Variants in ZEB1 observed in about 807,000 individuals in gnomAD.
ZEB1 encodes zinc finger E-box binding homeobox 1.
Under a neutral mutation model 84.9 loss-of-function variants are expected in ZEB1, and 21 were observed. That is an observed-to-expected ratio of 0.25 (90% CI 0.18 to 0.36). The LOEUF (loss-of-function observed/expected upper bound fraction) is 0.36, where lower values mean the gene tolerates loss of function less well. Among genes scored for constraint, ZEB1 ranks in the 10% least tolerant of loss-of-function variants. ZEB1 has a pLI of 1.00. For synonymous variants in ZEB1, 420 were observed against 471.1 expected, an observed-to-expected ratio of 0.89 and a Z score of 1.41; for missense variants, 1,104 against 1,330.2, an observed-to-expected ratio of 0.83 and a Z score of 2.65.
chr10:31,405,855 C>T (rs1400155575), intron 1 of ZEB1, among the ~76,000 whole-genome samples: 1 of 152,114 alleles, frequency 6.6e-6, no homozygotes, highest in East Asian at 1.9e-4. Flanking sequence ...GCCTCCCACA[C>T]CTCAACAGGC....
At chr10:31,516,390 T>G (rs2071099907) in intron 6 of ZEB1, among the ~76,000 whole-genome samples, 1 of 151,482 alleles carries the variant, frequency 6.6e-6, no homozygotes, top group Non-Finnish European at 1.5e-5. Context: ...GTAGGAAAAA[T>G]TAAGAAACAC....
In ZEB1 at chr10:31,502,512, A is replaced by G; in HGVS notation, c.484+3A>G. ...AGCCAGTGGTCATGATGAAAATGGT[A>G]AATGGATCTTAACAGTTGTGTTTCT... On this transcript the variant is annotated splice_donor_region_variant and intron_variant, in intron 4 of 8. Transcript: ENST00000424869. 1.2e-6 allele frequency: 2 copies of G among 1,613,806 alleles called. No individual in the cohort carries two copies. The highest frequency in any genetic ancestry group is 1.7e-6 in the Non-Finnish European group (2 of 1,179,710).
intron 2 of ZEB1, among the ~76,000 whole-genome samples, chr10:31,495,181 C>T (rs927862537): frequency 2.6e-5 from 4 of 151,862 alleles, no homozygotes; most frequent in Non-Finnish European, 4.4e-5. Flanking sequence ...TTCTCCAAGC[C>T]TCAAGTTTTT....
At chr10:31,442,746 A>C (rs1316931709) in intron 1 of ZEB1, among the ~76,000 whole-genome samples, 1 of 152,202 alleles carries the variant, frequency 6.6e-6, no homozygotes, top group Non-Finnish European at 1.5e-5. Flanking sequence ...AAACTGATAG[A>C]GTCAAGAGAA....
intron 1 of ZEB1, among the ~76,000 whole-genome samples, chr10:31,455,648 T>TA (rs2061120861): frequency 6.6e-6 from 1 of 152,066 alleles, no homozygotes; most frequent in African/African-American, 2.4e-5. Context: ...CCAGCAGACA[T>TA]ATGAAAAAAT....
chr10:31,482,314 G>A (rs2065147656), intron 2 of ZEB1, among the ~76,000 whole-genome samples: 1 of 151,994 alleles, frequency 6.6e-6, no homozygotes, highest in Non-Finnish European at 1.5e-5. Flanking sequence ...TCAGTGCCCA[G>A]TACGCTTCAA....
At chr10:31,441,297 G>T (rs2058945918) in intron 1 of ZEB1, among the ~76,000 whole-genome samples, 1 of 152,174 alleles carries the variant, frequency 6.6e-6, no homozygotes, top group Admixed American at 6.5e-5. Context: ...ACAAAAAGAA[G>T]AAATGGGGAA....
intron 1 of ZEB1, among the ~76,000 whole-genome samples, chr10:31,449,219 T>C (rs925703886): frequency 1.3e-5 from 2 of 152,352 alleles, no homozygotes; most frequent in Middle Eastern, 3.4e-3. Context: ...GAAAGGGAAC[T>C]CCCTGACCCC....
intron 2 of ZEB1, among the ~76,000 whole-genome samples, chr10:31,488,556 T>G (rs549820817): frequency 6.6e-6 from 1 of 151,026 alleles, no homozygotes; most frequent in East Asian, 1.9e-4. Flanking sequence ...TGATTTTTAT[T>G]ACTTCTTTCT....
intron 1 of ZEB1, among the ~76,000 whole-genome samples, chr10:31,445,565 C>T (rs957890537): frequency 4.6e-5 from 7 of 152,026 alleles, no homozygotes; most frequent in Non-Finnish European, 8.8e-5. Flanking sequence ...TCATAGATAG[C>T]TCTTATTATT....
intron 8 of ZEB1, among the ~76,000 whole-genome samples, chr10:31,526,140 A>G (rs2073389482): frequency 6.6e-6 from 1 of 152,230 alleles, no homozygotes; most frequent in Non-Finnish European, 1.5e-5. Context: ...CTGAGATACT[A>G]CAATGGCTGT....
chr10:31,368,468 T>C (rs1408962035), intron 1 of ZEB1, among the ~76,000 whole-genome samples: 1 of 144,742 alleles, frequency 6.9e-6, no homozygotes, highest in East Asian at 2.0e-4. Flanking sequence ...TCCTCTTGTA[T>C]ACGTTAAATC....
At chr10:31,443,885 G>C (rs2059393600) in intron 1 of ZEB1, among the ~76,000 whole-genome samples, 1 of 151,288 alleles carries the variant, frequency 6.6e-6, no homozygotes, top group Admixed American at 6.6e-5. Flanking sequence ...GTGTGCATGT[G>C]TCTTTATAGC....
chr10:31,411,634 G>A (rs1324393143), intron 1 of ZEB1, among the ~76,000 whole-genome samples: 3 of 60,136 alleles, frequency 5.0e-5, no homozygotes, highest in Middle Eastern at 0.015. Context: ...GCGAGACTCC[G>A]TCTCAAAAAA....
chr10:31,442,143 G>GA (rs1397828762), intron 1 of ZEB1, among the ~76,000 whole-genome samples: 22 of 152,304 alleles, frequency 1.4e-4, no homozygotes, highest in African/African-American at 5.3e-4. Flanking sequence ...CGATAGCAAA[G>GA]ACTTGGAACC....
chr10:31,331,548 G>A (rs763547523), intron 1 of ZEB1, among the ~76,000 whole-genome samples: 1 of 152,146 alleles, frequency 6.6e-6, no homozygotes, highest in Non-Finnish European at 1.5e-5. Flanking sequence ...GTAGTACCTT[G>A]CCCTAAGGAG....
intron 1 of ZEB1, among the ~76,000 whole-genome samples, chr10:31,407,895 G>T (rs1406988029): frequency 6.7e-6 from 1 of 149,292 alleles, no homozygotes; most frequent in African/African-American, 2.5e-5. Flanking sequence ...TCTGGCCAGG[G>T]CAATTAGGCA....
intron 1 of ZEB1, among the ~76,000 whole-genome samples, chr10:31,362,118 G>T (rs1166632791): frequency 6.7e-6 from 1 of 149,518 alleles, no homozygotes; most frequent in Non-Finnish European, 1.5e-5. Flanking sequence ...TCGCAGACAG[G>T]ACGGCGGCGG....
chr10:31,377,105 G>A (rs1472426169), intron 1 of ZEB1, among the ~76,000 whole-genome samples: 3 of 80,818 alleles, frequency 3.7e-5, no homozygotes, highest in Non-Finnish European at 5.2e-5. Flanking sequence ...TTTTTTTTTT[G>A]CAATACAGAA....
Sources: gnomAD v4.1 joint callset for allele counts (sites outside exome capture counted in the v4.1 genomes callset) on GRCh38, gnomAD v4.1.1 for gene constraint, MANE v1.5 for transcripts, NCBI Gene and HGNC (gene_info 2026-07-23, HGNC 2026-07-21) for gene names.